The following PREX2 variants were observed in gnomAD, a reference collection of about 807,000 sequenced individuals.
PREX2 encodes the protein phosphatidylinositol 3,4,5-trisphosphate-dependent Rac exchanger 2 protein.
In PREX2, 107 loss-of-function variants were observed where a neutral mutation model predicts 203.2. The ratio of observed to expected loss-of-function variants is 0.53; its 90% CI spans 0.45 to 0.62. The LOEUF (loss-of-function observed/expected upper bound fraction) is 0.62. Ranked by LOEUF, PREX2 falls within the 20% of genes least tolerant of loss-of-function variation. The probability of loss-of-function intolerance (pLI) is 0.00; values close to 1 mark genes in which losing one functional copy is unlikely to be tolerated. For missense variants in PREX2, 1,777 were observed against 1,955.9 expected (o/e 0.91, Z 1.72); for synonymous variants, 672 against 663.6 (o/e 1.01, Z -0.19).
Position 68,055,857 on chromosome 8 carries a change from C to G in PREX2, c.1121C>G (p.Thr374Ser), listed in dbSNP as rs1808662275. The G allele has an allele frequency of 6.2e-7, 1 of 1,612,946 alleles. No individual in the cohort carries two copies. The highest frequency in any genetic ancestry group is 1.1e-5 in the South Asian group (1 of 90,806). ...TTAAAATTAGGAATGGAGCAAGATA[C>G]CTGGGTCATGATCTCTGAACAGGGT... Reference protein sequence around the residue: ...KGLKLGMEQDTWVMISEQGEK... With the variant: ...KGLKLGMEQDSWVMISEQGEK... The change falls in exon 10 of 40, where the codon ACC becomes AGC. Residue 374 changes from threonine (T) to serine (S), a missense_variant. Thr to Ser is a moderately conservative substitution (Grantham distance 58). Transcript: ENST00000288368.
rs1810722731 is a variant in PREX2 at position 68,119,423 on chromosome 8, G to A, written c.3422-9G>A. The A allele has an allele frequency of 6.2e-7, 1 of 1,605,180 alleles. No homozygotes were observed. Among genetic ancestry groups the A allele is most frequent in the Non-Finnish European group, 8.5e-7 (1 of 1,173,428 alleles). The stretch of plus-strand genomic sequence containing the variant: ...TGGTTTTTGGTTTTGTTTTTGTTTT[G>A]ACATCTAGGTGATGAACTTCCCTTA... On this transcript the variant is annotated splice_polypyrimidine_tract_variant and intron_variant, in intron 27 of 39. Transcript: ENST00000288368.
At chr8:68,225,333 C>CTTAAAATA (rs1813037786) in intron 39 of PREX2, among the ~76,000 whole-genome samples, 1 of 152,062 alleles carries the variant, frequency 6.6e-6, no homozygotes, top group Non-Finnish European at 1.5e-5. Context: ...AAAGGACTCC[C>CTTAAAATA]ATTGACTTTA....
At position 68,053,103 on chromosome 8, in the gene PREX2, T is replaced by A; in HGVS notation, c.950T>A (p.Phe317Tyr). Residue 317 changes from phenylalanine to tyrosine, a missense_variant, in exon 9 of 40, where the codon TTC (phenylalanine) becomes TAC (tyrosine). Phe to Tyr is a conservative substitution (Grantham distance 22). Transcript: ENST00000288368. ...TTTACCCATTAATTTACAGCTGATTTCCATAGCAGTGGACACATTGTTGTT... is the reference window on the plus strand; with the variant it reads ...TTTACCCATTAATTTACAGCTGATTACCATAGCAGTGGACACATTGTTGTT... ...VENVDDGTAD[F>Y]HSSGHIVVNG... 6.2e-7 allele frequency: 1 copy of A among 1,611,860 alleles called. No individual in the cohort carries two copies. The highest frequency in any genetic ancestry group is 1.7e-5 in the Admixed American group (1 of 59,766).
chr8:68,213,296 T>A (rs779409302), intron 37 of PREX2, among the ~76,000 whole-genome samples: 1 of 152,194 alleles, frequency 6.6e-6, no homozygotes, highest in Non-Finnish European at 1.5e-5. Context: ...TCATTTGCAG[T>A]TAAAACACTT....
chr8:67,991,767 A>G (rs191150307), intron 1 of PREX2, among the ~76,000 whole-genome samples: 50 of 152,282 alleles, frequency 3.3e-4, no homozygotes, highest in African/African-American at 1.1e-3. Flanking sequence ...GGTAAACATT[A>G]GGGAGTGGCG....
chr8:68,078,289 C>T (rs910378541), intron 15 of PREX2, among the ~76,000 whole-genome samples: 3 of 152,224 alleles, frequency 2.0e-5, no homozygotes, highest in East Asian at 3.9e-4. Flanking sequence ...CCTCAGCCTC[C>T]GGAGTAGCTG....
intron 20 of PREX2, 63 bp downstream of exon 20, chr8:68,090,778 A>T: frequency 7.1e-7 from 1 of 1,404,800 alleles, no homozygotes; most frequent in Non-Finnish European, 9.8e-7. Context: ...TAAGGGGTTG[A>T]GGTGGGATAG....
intron 38 of PREX2, among the ~76,000 whole-genome samples, chr8:68,219,217 A>G (rs1812904973): frequency 6.6e-6 from 1 of 152,298 alleles, no homozygotes; most frequent in Non-Finnish European, 1.5e-5. Context: ...AGTTGGTGAC[A>G]TATCCATTTC....
chr8:68,027,664 T>G (rs956200036), intron 5 of PREX2, among the ~76,000 whole-genome samples: 2 of 152,148 alleles, frequency 1.3e-5, no homozygotes, highest in Non-Finnish European at 2.9e-5. Context: ...ATAAATCCAC[T>G]GCTGGTATAT....
intron 37 of PREX2, among the ~76,000 whole-genome samples, chr8:68,192,921 CAA>C (rs1812326424): frequency 1.3e-5 from 2 of 152,170 alleles, no homozygotes; most frequent in Admixed American, 6.5e-5. Context: ...CCTTACAACC[CAA>C]GTGTTGTGAG....
intron 14 of PREX2, among the ~76,000 whole-genome samples, chr8:68,076,153 C>T (rs539187140): frequency 8.5e-5 from 13 of 152,166 alleles, no homozygotes; most frequent in East Asian, 3.9e-4. Flanking sequence ...AACCGAGTTT[C>T]TGTGTAAGAA....
At chr8:68,111,385 T>G (rs530947095) in intron 25 of PREX2, among the ~76,000 whole-genome samples, 72 of 152,274 alleles carry the variant, frequency 4.7e-4, no homozygotes, top group Middle Eastern at 3.4e-3. Context: ...TTGTCTTTGT[T>G]AATTTATTGA....
At chr8:68,115,211 A>G (rs1173075507) in intron 25 of PREX2, among the ~76,000 whole-genome samples, 2 of 151,696 alleles carry the variant, frequency 1.3e-5, no homozygotes, top group Non-Finnish European at 2.9e-5. Context: ...ATTTTTTAGT[A>G]GAGACGGGGT....
intron 37 of PREX2, among the ~76,000 whole-genome samples, chr8:68,211,536 G>A (rs1043839547): frequency 1.8e-4 from 28 of 152,158 alleles, no homozygotes; most frequent in Non-Finnish European, 3.5e-4. Context: ...CATCACTTCA[G>A]GTCATTCTTG....
In PREX2 at chr8:68,053,238, G is replaced by A. The variant is rs150203239; in HGVS notation, c.1085G>A (p.Arg362Gln). The A allele has an allele frequency of 5.6e-6, 9 of 1,613,384 alleles. No individual in the cohort carries two copies. The African/African-American group carries it at 6.7e-5, about 12-fold the overall frequency. Residue 362 changes from arginine (R) to glutamine (Q), a missense_variant, in exon 9 of 40, where the codon CGG becomes CAG. Transcript: ENST00000288368. Reference sequence around the variant, plus strand: ...GAAGCTATTTTGAAAGAAAGAGAACGGCGGAAAGGTGGGTGTATGAATTGG... The same window carrying A: ...GAAGCTATTTTGAAAGAAAGAGAACAGCGGAAAGGTGGGTGTATGAATTGG... ...WFEAILKERE[R>Q]RKGLKLGMEQ...
intron 1 of PREX2, among the ~76,000 whole-genome samples, chr8:67,973,650 AT>A: frequency 6.6e-6 from 1 of 152,220 alleles, no homozygotes; most frequent in South Asian, 2.1e-4. Context: ...TATAGGTTTT[AT>A]TGTTGGTAAC....
At chr8:67,976,459 AG>A (rs1806090848) in intron 1 of PREX2, among the ~76,000 whole-genome samples, 3 of 149,344 alleles carry the variant, frequency 2.0e-5, no homozygotes, top group Non-Finnish European at 4.4e-5. Context: ...AGAGAGAGAG[AG>A]AGAGACAGAG....
chr8:67,973,128 C>A (rs1318087024), intron 1 of PREX2, among the ~76,000 whole-genome samples: 2 of 152,164 alleles, frequency 1.3e-5, no homozygotes, highest in Non-Finnish European at 2.9e-5. Flanking sequence ...CAGGCCTCCC[C>A]TGCTTCTTCT....
intron 20 of PREX2, among the ~76,000 whole-genome samples, chr8:68,093,039 T>A (rs984516101): frequency 2.0e-5 from 3 of 152,140 alleles, no homozygotes; most frequent in African/African-American, 7.2e-5. Flanking sequence ...ATATATCCTA[T>A]TTAAAAACAT....
Sources: allele counts gnomAD v4.1 joint callset (sites outside exome capture counted in the v4.1 genomes callset), GRCh38; gene constraint gnomAD v4.1.1; transcripts MANE v1.5; gene names NCBI Gene and HGNC (gene_info 2026-07-23, HGNC 2026-07-21).